VSTM1: variants seen among roughly 807,000 people sequenced by gnomAD.
VSTM1 encodes the protein V-set and transmembrane domain containing 1, also known as V-set and transmembrane domain-containing protein 1.
In VSTM1, 27 loss-of-function variants were observed where a neutral mutation model predicts 33.1. The ratio of observed to expected loss-of-function variants is 0.82; its 90% CI spans 0.60 to 1.12. The LOEUF (loss-of-function observed/expected upper bound fraction) is 1.12. VSTM1 is among the 50% of genes most tolerant of loss of function. The pLI is 0.00. For missense variants in VSTM1, 304 were observed against 288.9 expected (o/e 1.05, Z -0.38); for synonymous variants, 115 against 110.3 (o/e 1.04, Z -0.27).
chr19:54,058,754 G>A, intron 1 of VSTM1, 22 bp from the exon 2 acceptor site: 1 of 1,612,974 alleles, frequency 6.2e-7, no homozygotes, highest in Non-Finnish European at 8.5e-7. Context: ...ATCTCAATGA[G>A]AGAAAAATTA....
intron 1 of VSTM1, among the ~76,000 whole-genome samples, chr19:54,059,848 T>G (rs1454045422): frequency 6.7e-6 from 1 of 148,308 alleles, no homozygotes; most frequent in Non-Finnish European, 1.5e-5. Context: ...GTGGGTTTTT[T>G]TTTTTTTTTT....
At chr19:54,047,751 G>A (rs1227386348) in intron 4 of VSTM1, among the ~76,000 whole-genome samples, 1 of 152,100 alleles carries the variant, frequency 6.6e-6, no homozygotes, top group Non-Finnish European at 1.5e-5. Context: ...CTTTCACACA[G>A]CAATTCACTA....
intron 8 of VSTM1, among the ~76,000 whole-genome samples, chr19:54,041,439 T>C (rs571861285): frequency 2.6e-5 from 4 of 152,064 alleles, no homozygotes; most frequent in Middle Eastern, 3.4e-3. Context: ...GTAGCTGGGA[T>C]TACAGGCGCC....
chr19:54,056,209 C>CTT (rs879970929), intron 3 of VSTM1, among the ~76,000 whole-genome samples: 667 of 46,036 alleles, frequency 0.014, 24 homozygotes, highest in Non-Finnish European at 0.021. Context: ...CTTTTCTTTT[C>CTT]TTTTCTTTTT....
At chr19:54,041,435 G>A (rs2070259349) in intron 8 of VSTM1, among the ~76,000 whole-genome samples, 1 of 151,952 alleles carries the variant, frequency 6.6e-6, no homozygotes, top group African/African-American at 2.4e-5. Flanking sequence ...CTGAGTAGCT[G>A]GGATTACAGG....
Position 54,058,735 on chromosome 19 carries a change from G to C in VSTM1, c.35-3C>G, listed in dbSNP as rs772729781. 1 of 1,613,464 alleles carries C rather than the reference G, an allele frequency of 6.2e-7. No individual in the cohort carries two copies. Among genetic ancestry groups the C allele is most frequent in the East Asian group, 2.2e-5 (1 of 44,874 alleles). On this transcript the variant is annotated splice_region_variant and splice_polypyrimidine_tract_variant and intron_variant, in intron 1 of 8. Transcript: ENST00000338372. Reference sequence around the variant, plus strand: ...ATCTTCGTAGCCCAGACACAGCCCTGGAAGAGAAATCTCAATGAGAGAAAA... The same window carrying C: ...ATCTTCGTAGCCCAGACACAGCCCTCGAAGAGAAATCTCAATGAGAGAAAA...
intron 1 of VSTM1, among the ~76,000 whole-genome samples, chr19:54,060,975 G>A (rs2071362947): frequency 1.3e-5 from 2 of 150,210 alleles, no homozygotes; most frequent in African/African-American, 4.9e-5. Flanking sequence ...ACAGGTGTGA[G>A]CTACCTGCAC....
Position 54,041,778 on chromosome 19 carries a change from C to T in VSTM1, c.591+1G>A. 1.2e-6 allele frequency: 2 copies of T among 1,613,362 alleles called. No individual in the cohort carries two copies. The highest frequency in any genetic ancestry group is 1.7e-6 in the Non-Finnish European group (2 of 1,179,850). On this transcript the variant is annotated splice_donor_variant, in intron 8 of 8. Coordinates refer to ENST00000338372, the MANE Select transcript of VSTM1 (RefSeq NM_198481.4). LOFTEE classifies it high-confidence loss of function. ...TGGGACTCCTAAGCGGGAGGACTCA[C>T]CGAGAGAGATACCCTTTCCATATTG...
chr19:54,060,141 C>T (rs553865624), intron 1 of VSTM1, among the ~76,000 whole-genome samples: 23 of 152,208 alleles, frequency 1.5e-4, no homozygotes, highest in African/African-American at 5.5e-4. Flanking sequence ...CATCAGCCAC[C>T]GCGCCCGGCC....
intron 4 of VSTM1, among the ~76,000 whole-genome samples, chr19:54,047,176 C>G (rs969342436): frequency 6.6e-6 from 1 of 152,014 alleles, no homozygotes; most frequent in Admixed American, 6.6e-5. Context: ...GCCTGGGCAA[C>G]AAGAGCGAAA....
At chr19:54,061,842 C>T (rs1299984406) in intron 1 of VSTM1, among the ~76,000 whole-genome samples, 3 of 151,482 alleles carry the variant, frequency 2.0e-5, no homozygotes, top group African/African-American at 2.4e-5. Context: ...ACAGAGCCAA[C>T]GATTGGAGTG....
chr19:54,058,109 G>A (rs1318633487), intron 3 of VSTM1, among the ~76,000 whole-genome samples, 197 bp downstream of exon 3: 21 of 151,438 alleles, frequency 1.4e-4, no homozygotes, highest in African/African-American at 4.6e-4. Flanking sequence ...GCGTGGTGGC[G>A]GGCGCCTGTA....
chr19:54,043,580 T>G (rs1270443617), intron 4 of VSTM1, among the ~76,000 whole-genome samples: 3 of 152,036 alleles, frequency 2.0e-5, no homozygotes, highest in Non-Finnish European at 2.9e-5. Flanking sequence ...CCCGGCTAAT[T>G]TTTGTATTTT....
intron 1 of VSTM1, among the ~76,000 whole-genome samples, chr19:54,061,018 T>TTC (rs1240001871): frequency 8.1e-5 from 11 of 135,956 alleles, no homozygotes; most frequent in East Asian, 6.4e-4. Context: ...TTTCTTTTCT[T>TTC]TTTTTTTTTT....
At position 54,041,814 on chromosome 19, in the gene VSTM1, C is replaced by T. The variant is rs139461742; in HGVS notation, c.556G>A (p.Ala186Thr). ...SKLPEQEAAE[A>T]DLSNMERVSL... ...ACCCTTTCCATATTGGATAAATCTGCCTCTGAGTGAGAAAGGAAAAAAAAA... is the reference window on the plus strand; with the variant it reads ...ACCCTTTCCATATTGGATAAATCTGTCTCTGAGTGAGAAAGGAAAAAAAAA... The change falls in exon 8 of 9, where the codon GCA becomes ACA. Residue 186 changes from alanine (A) to threonine (T), a missense_variant and splice_region_variant. By Grantham distance (58) the Ala-to-Thr change is moderately conservative. Coordinates refer to ENST00000338372, the MANE Select transcript of VSTM1 (RefSeq NM_198481.4). The T allele has an allele frequency of 3.7e-4, 603 of 1,613,562 alleles. No homozygotes were observed. Among genetic ancestry groups the T allele is most frequent in the Non-Finnish European group, 4.9e-4 (577 of 1,179,936 alleles).
At chr19:54,057,954 A>G (rs1458203586) in intron 3 of VSTM1, among the ~76,000 whole-genome samples, 4 of 151,354 alleles carry the variant, frequency 2.6e-5, no homozygotes, top group Non-Finnish European at 5.9e-5. Flanking sequence ...AAAATACAAA[A>G]ATTAGGCCGG....
intron 8 of VSTM1, 133 bp downstream of exon 8, chr19:54,041,646 G>C (rs1251810193): frequency 9.5e-7 from 1 of 1,047,956 alleles, no homozygotes; most frequent in Non-Finnish European, 1.4e-6. Flanking sequence ...CATTAGGGGA[G>C]TTTCGTGACT....
rs1300701254 is a variant in VSTM1 at position 54,041,037 on chromosome 19, CT to C, written c.634del (p.Ser212AlafsTer23). ...GTCTGAAGCTGCCTCAGACAGGGCG[CT>C]GGTGCTTAGCTCAGCATAGGTCACT... ...QGVTYAELST[S>X]ALSEAASDTT... On this transcript the variant is annotated frameshift_variant, in exon 9 of 9. Transcript: ENST00000338372. LOFTEE classifies it high-confidence loss of function. The C allele has an allele frequency of 6.2e-7, 1 of 1,607,740 alleles. No homozygotes were observed. The highest frequency in any genetic ancestry group is 1.3e-5 in the African/African-American group (1 of 74,384).
chr19:54,052,360 T>C (rs1178841298), intron 3 of VSTM1, among the ~76,000 whole-genome samples: 3 of 140,986 alleles, frequency 2.1e-5, no homozygotes, highest in Admixed American at 7.2e-5. Flanking sequence ...ATCGCGCCAC[T>C]GCACTCCAGC....
Sources: gnomAD v4.1 joint callset for allele counts (sites outside exome capture counted in the v4.1 genomes callset) on GRCh38, gnomAD v4.1.1 for gene constraint, MANE v1.5 for transcripts, NCBI Gene and HGNC (gene_info 2026-07-23, HGNC 2026-07-21) for gene names.